The following CHST8 variants were observed in gnomAD, a reference collection of about 807,000 sequenced individuals.
The protein encoded by CHST8 is GALNAC-4-ST1.
CHST8 carries 10 observed loss-of-function variants against 15.0 expected under a neutral mutation model. The ratio of observed to expected loss-of-function variants is 0.67; its 90% confidence interval spans 0.41 to 1.13. CHST8 has a LOEUF of 1.13. Among genes scored for constraint, CHST8 ranks in the 50% most tolerant of loss-of-function variants. The pLI is 0.00. For missense variants in CHST8, 634 were observed against 608.2 expected (o/e 1.04, Z -0.45); for synonymous variants, 259 against 256.6 (o/e 1.01, Z -0.09).
At position 33,772,095 on chromosome 19, in the gene CHST8, A is replaced by G. The variant is rs1344011175; in HGVS notation, c.307A>G (p.Thr103Ala). 6 of 1,611,846 alleles carry G rather than the reference A, an allele frequency of 3.7e-6. No individual in the cohort carries two copies. Among genetic ancestry groups the G allele is most frequent in the African/African-American group, 2.7e-5 (2 of 74,896 alleles). ...DQPQPPLQRG[T>A]RLRLRQRRRR... ...GCCTCAACCCCCGCTGCAGAGGGGA[A>G]CCCGTCTGCGGCTCCGCCAGCGCCG... Residue 103 changes from threonine (T) to alanine (A), a missense_variant, in exon 5 of 5, where the codon ACC (threonine) becomes GCC (alanine). Transcript: ENST00000650847.
At chr19:33,757,517 A>G (rs1599630251) in intron 3 of CHST8, among the ~76,000 whole-genome samples, 1 of 67,748 alleles carries the variant, frequency 1.5e-5, no homozygotes. Flanking sequence ...AAAGAAAGAA[A>G]GAAAGAGAAA....
chr19:33,631,618 C>A (rs990357485), intron 1 of CHST8, among the ~76,000 whole-genome samples: 5 of 152,178 alleles, frequency 3.3e-5, no homozygotes, highest in Non-Finnish European at 7.3e-5. Context: ...AGATTTGGGG[C>A]CTCATGAGGT....
intron 1 of CHST8, among the ~76,000 whole-genome samples, chr19:33,638,698 G>T (rs1365763866): frequency 1.3e-5 from 2 of 152,178 alleles, no homozygotes; most frequent in East Asian, 3.9e-4. Flanking sequence ...TCCTGCTGCT[G>T]GGAGAATGAT....
intron 3 of CHST8, among the ~76,000 whole-genome samples, chr19:33,745,017 G>T (rs746457772): frequency 2.6e-5 from 4 of 152,182 alleles, no homozygotes; most frequent in Admixed American, 6.5e-5. Context: ...AAAGTGCTGG[G>T]ATTACAGGCA....
At chr19:33,718,339 C>A (rs968929612) in intron 3 of CHST8, among the ~76,000 whole-genome samples, 1 of 151,740 alleles carries the variant, frequency 6.6e-6, no homozygotes, top group African/African-American at 2.4e-5. Context: ...CCATCTTGGC[C>A]TCCCAAAGTG....
At chr19:33,755,458 T>A (rs1974527653) in intron 3 of CHST8, among the ~76,000 whole-genome samples, 1 of 150,284 alleles carries the variant, frequency 6.7e-6, no homozygotes, top group African/African-American at 2.4e-5. Flanking sequence ...GATGCTGTGG[T>A]GGGCTGAGCA....
chr19:33,672,477 G>A (rs1972750821), intron 2 of CHST8, among the ~76,000 whole-genome samples: 1 of 152,178 alleles, frequency 6.6e-6, no homozygotes, highest in Non-Finnish European at 1.5e-5. Flanking sequence ...GGGATTACAG[G>A]TGTGAGCCCC....
Position 33,709,223 on chromosome 19 carries a change from G to C in CHST8, c.130+19832G>C, listed in dbSNP as rs78626308. ...TGCCTTTTATTTCTTTTTCCTGCCT[G>C]ATTCAACTGACTAGAACCTCTAGTA... is the stretch of plus-strand genomic sequence containing the variant. On this transcript the variant is annotated intron_variant, in intron 3 of 4. Coordinates refer to ENST00000650847, the MANE Select transcript of CHST8 (RefSeq NM_001127895.2). 5.7e-3 allele frequency among the ~76,000 whole-genome samples: 870 copies of C among 152,216 alleles called. 6 individuals are homozygous for C. The highest frequency in any genetic ancestry group is 0.02 in the Middle Eastern group (6 of 294).
At chr19:33,635,703 C>A (rs1427714167) in intron 1 of CHST8, among the ~76,000 whole-genome samples, 1 of 152,172 alleles carries the variant, frequency 6.6e-6, no homozygotes, top group African/African-American at 2.4e-5. Context: ...CCCGGAGATA[C>A]TGCGGTCCAG....
intron 3 of CHST8, among the ~76,000 whole-genome samples, chr19:33,712,686 G>A (rs1444269226): frequency 6.6e-6 from 1 of 152,154 alleles, no homozygotes; most frequent in Non-Finnish European, 1.5e-5. Flanking sequence ...TTGCACTGCA[G>A]CGGCAGACTG....
chr19:33,651,057 A>G (rs574895601), intron 1 of CHST8, among the ~76,000 whole-genome samples: 4 of 152,300 alleles, frequency 2.6e-5, no homozygotes, highest in Non-Finnish European at 5.9e-5. Flanking sequence ...GTGGGTTGCC[A>G]TATTTTCTTG....
At chr19:33,722,230 A>T (rs1432459888) in intron 3 of CHST8, among the ~76,000 whole-genome samples, 2 of 146,978 alleles carry the variant, frequency 1.4e-5, no homozygotes, top group Non-Finnish European at 3.0e-5. Flanking sequence ...GAGCTGAATG[A>T]ATGGGTGGAT....
intron 3 of CHST8, among the ~76,000 whole-genome samples, chr19:33,724,078 T>G (rs1973848400): frequency 6.6e-6 from 1 of 152,146 alleles, no homozygotes; most frequent in Non-Finnish European, 1.5e-5. Context: ...AGGCTCAGCC[T>G]GCAGGCACCG....
At chr19:33,689,443 A>G (rs1398983938) in intron 3 of CHST8, 52 bp downstream of exon 3, 1 of 1,502,874 alleles carries the variant, frequency 6.7e-7, no homozygotes, top group African/African-American at 1.4e-5. Context: ...TTCCAGCCTG[A>G]AGCTCAGGCC....
At chr19:33,677,296 G>A (rs998943807) in intron 2 of CHST8, among the ~76,000 whole-genome samples, 2 of 152,286 alleles carry the variant, frequency 1.3e-5, no homozygotes, top group South Asian at 2.1e-4. Flanking sequence ...AGAGCCCCAC[G>A]TACAGGGATC....
intron 3 of CHST8, among the ~76,000 whole-genome samples, chr19:33,712,786 C>T (rs77660990): frequency 2.0e-5 from 3 of 152,206 alleles, no homozygotes; most frequent in Admixed American, 1.3e-4. Context: ...ACTCCTTGCC[C>T]GAGTCTCAAA....
chr19:33,690,847 C>T (rs1476514155), intron 3 of CHST8, among the ~76,000 whole-genome samples: 1 of 152,204 alleles, frequency 6.6e-6, no homozygotes, highest in African/African-American at 2.4e-5. Context: ...CGAGCTGGTA[C>T]CTAAGGTCAT....
chr19:33,632,515 T>C (rs1298813171), intron 1 of CHST8, among the ~76,000 whole-genome samples: 2 of 151,992 alleles, frequency 1.3e-5, no homozygotes, highest in Non-Finnish European at 2.9e-5. Context: ...CATGCACCAT[T>C]GTACATATTT....
At chr19:33,710,894 G>T (rs1973536232) in intron 3 of CHST8, among the ~76,000 whole-genome samples, 1 of 144,750 alleles carries the variant, frequency 6.9e-6, no homozygotes, top group Non-Finnish European at 1.5e-5. Flanking sequence ...TTTTTTAAGG[G>T]GTAGGGTCTC....
Sources: gnomAD v4.1 joint callset for allele counts (sites outside exome capture counted in the v4.1 genomes callset) on GRCh38, gnomAD v4.1.1 for gene constraint, MANE v1.5 for transcripts, NCBI Gene and HGNC (gene_info 2026-07-23, HGNC 2026-07-21) for gene names.